Variants in SLC9C1 observed in about 807,000 individuals in gnomAD.
The protein encoded by SLC9C1 is solute carrier family 9 member C1, also known as sodium/hydrogen exchanger 10.
A neutral mutation model predicts 140.9 loss-of-function variants in SLC9C1; 97 were observed. The observed-to-expected ratio is 0.69, with a 90% CI of 0.58 to 0.82. The LOEUF (loss-of-function observed/expected upper bound fraction) is 0.82, where lower values mean the gene tolerates loss of function less well. Ranked by LOEUF, SLC9C1 falls within the 40% of genes least tolerant of loss-of-function variation. The pLI, the probability that SLC9C1 is intolerant of heterozygous loss-of-function variation, is 0.00. For synonymous variants in SLC9C1, 440 were observed against 442.6 expected (o/e 0.99, Z 0.07); for missense variants, 1,340 against 1,389.3 (o/e 0.96, Z 0.56).
intron 27 of SLC9C1, among the ~76,000 whole-genome samples, chr3:112,153,371 A>G (rs1215826699): frequency 6.6e-6 from 1 of 151,984 alleles, no homozygotes; most frequent in East Asian, 1.9e-4. Flanking sequence ...AAAAAAAAAA[A>G]AAGATGGTCT....
At chr3:112,285,325 G>A (rs547852549) in intron 2 of SLC9C1, among the ~76,000 whole-genome samples, 41 of 151,966 alleles carry the variant, frequency 2.7e-4, no homozygotes, top group African/African-American at 8.9e-4. Context: ...TGCAACCTTC[G>A]CCTCCCAGGC....
At position 112,202,250 on chromosome 3, in the gene SLC9C1, C is replaced by G; in HGVS notation, c.2322G>C (p.Gln774His). 1 of 1,608,190 alleles carries G rather than the reference C, an allele frequency of 6.2e-7. No homozygotes were observed. Among genetic ancestry groups the G allele is most frequent in the Non-Finnish European group, 8.5e-7 (1 of 1,178,054 alleles). ...TTCTTAGGATTTAAGGTTTTCTTAC[C>G]TGTTTAATCTGTTTAGAACTTGTAA... ...DQITSSKQIK[Q>H]MLLKQVIRNM... The change falls in exon 18 of 29, where the codon CAG becomes CAC. Residue 774 changes from glutamine (Q) to histidine (H), a missense_variant and splice_region_variant. Physicochemically the swap from Gln to His is conservative, Grantham distance 24. Transcript: ENST00000305815.
chr3:112,231,251 C>T, intron 13 of SLC9C1, 110 bp downstream of exon 13: 3 of 1,308,028 alleles, frequency 2.3e-6, no homozygotes, highest in Non-Finnish European at 3.1e-6. Context: ...CTTCCCTTTG[C>T]CTTTGTAAAC....
At chr3:112,243,243 GCAAAGAGATGGAAT>G (rs1414271989) in intron 11 of SLC9C1, among the ~76,000 whole-genome samples, 3 of 152,102 alleles carry the variant, frequency 2.0e-5, no homozygotes, top group Non-Finnish European at 2.9e-5. Flanking sequence ...ATTCACAATA[GCAAAGAGATGGAAT>G]CAACCTAAGT....
chr3:112,161,772 A>G (rs1299735742), intron 26 of SLC9C1, among the ~76,000 whole-genome samples: 3 of 151,650 alleles, frequency 2.0e-5, no homozygotes, highest in East Asian at 1.9e-4. Flanking sequence ...TTGGTTCCAT[A>G]TGAACTTTAA....
chr3:112,204,460 T>C, intron 16 of SLC9C1, 57 bp from the exon 17 acceptor site: 1 of 1,492,844 alleles, frequency 6.7e-7, no homozygotes, highest in Non-Finnish European at 8.9e-7. Flanking sequence ...TACTACACCA[T>C]TTTCCACAAT....
chr3:112,267,589 A>T (rs2079956775), intron 7 of SLC9C1, among the ~76,000 whole-genome samples: 1 of 150,048 alleles, frequency 6.7e-6, no homozygotes, highest in Non-Finnish European at 1.5e-5. Flanking sequence ...AAAAAAAAAA[A>T]AAAAAAAAGA....
At chr3:112,260,296 T>A (rs79294090) in intron 10 of SLC9C1, among the ~76,000 whole-genome samples, 3 of 26,368 alleles carry the variant, frequency 1.1e-4, no homozygotes, top group East Asian at 7.6e-3. Flanking sequence ...TTTTCTTTAG[T>A]TTTTTTATGG....
intron 15 of SLC9C1, among the ~76,000 whole-genome samples, chr3:112,211,391 A>AG (rs60499107): frequency 0.75 from 114,677 of 151,960 alleles, 43,681 homozygotes; most frequent in East Asian, 0.99. Flanking sequence ...ACCGAGCATG[A>AG]CCGAAGCAGG....
intron 1 of SLC9C1, among the ~76,000 whole-genome samples, 183 bp downstream of exon 1, chr3:112,293,910 G>A (rs537102468): frequency 2.6e-5 from 4 of 152,306 alleles, no homozygotes; most frequent in South Asian, 2.1e-4. Flanking sequence ...GAAGCTAGCT[G>A]ATCTTTGGGA....
chr3:112,247,192 G>GAGC (rs34109542), intron 10 of SLC9C1, among the ~76,000 whole-genome samples: 1 of 152,072 alleles, frequency 6.6e-6, no homozygotes, highest in African/African-American at 2.4e-5. Context: ...GAGGCCCAGG[G>GAGC]AGCACACTGA....
intron 1 of SLC9C1, among the ~76,000 whole-genome samples, chr3:112,287,765 T>C (rs2080551709): frequency 6.6e-6 from 1 of 152,114 alleles, no homozygotes; most frequent in African/African-American, 2.4e-5. Flanking sequence ...TTATAATTCC[T>C]GGCCGGGCAC....
At chr3:112,180,700 A>C in intron 21 of SLC9C1, 38 bp from the exon 22 acceptor site, 1 of 1,490,374 alleles carries the variant, frequency 6.7e-7, no homozygotes. Flanking sequence ...TATAAACAAC[A>C]TTTTAGAAGT....
intron 28 of SLC9C1, chr3:112,151,244 C>T: frequency 2.1e-6 from 1 of 469,734 alleles, no homozygotes; most frequent in Admixed American, 2.3e-5. Context: ...AGCATACACA[C>T]ACAAATATTT....
chr3:112,242,202 C>T (rs888560281), intron 11 of SLC9C1, among the ~76,000 whole-genome samples: 4 of 152,188 alleles, frequency 2.6e-5, no homozygotes, highest in African/African-American at 9.6e-5. Context: ...ATACATCTAA[C>T]AAAGGTCTTA....
In SLC9C1 at chr3:112,204,299, G is replaced by A. The variant is rs2077984886; in HGVS notation, c.2091C>T (p.Thr697=). The change falls in exon 17 of 29, where the codon ACC becomes ACT. Residue 697 remains threonine (T), a synonymous_variant. Transcript: ENST00000305815. ...ILHVILIEID[T]IKYIFNETEV... ...CAGTCTCATTAAAAATATACTTAAT[G>A]GTGTCTATTTCAATAAGTATTACAT... 1 of 1,562,472 alleles carries A rather than the reference G, an allele frequency of 6.4e-7. No homozygotes were observed. The highest frequency in any genetic ancestry group is 2.5e-5 in the East Asian group (1 of 40,708).
At position 112,270,041 on chromosome 3, in the gene SLC9C1, A is replaced by G. The variant is rs778873102; in HGVS notation, c.650T>C (p.Ile217Thr). Residue 217 changes from isoleucine to threonine, a missense_variant, in exon 7 of 29, where the codon ATA (isoleucine) becomes ACA (threonine). Ile to Thr is a moderately conservative substitution (Grantham distance 89). Transcript: ENST00000305815. ...TAGAATTCCAAACAAGAAACTTGCTATAATATATGAACAAATTCCACCCAC... is the reference window on the plus strand; with the variant it reads ...TAGAATTCCAAACAAGAAACTTGCTGTAATATATGAACAAATTCCACCCAC... The part of the protein sequence containing the change: ...EIVGGICSYI[I>T]ASFLFGILSS... 6 of 1,586,248 alleles carry G rather than the reference A, an allele frequency of 3.8e-6. No individual in the cohort carries two copies. The highest frequency in any genetic ancestry group is 5.1e-6 in the Non-Finnish European group (6 of 1,168,368).
intron 10 of SLC9C1, among the ~76,000 whole-genome samples, chr3:112,244,391 A>G (rs925930161): frequency 3.3e-5 from 5 of 152,212 alleles, no homozygotes; most frequent in African/African-American, 1.2e-4. Flanking sequence ...ACTTCCTGGT[A>G]GCTGAGAATA....
intron 2 of SLC9C1, among the ~76,000 whole-genome samples, chr3:112,285,656 G>A (rs1005077163): frequency 3.9e-5 from 6 of 152,196 alleles, no homozygotes; most frequent in Admixed American, 1.3e-4. Flanking sequence ...GACTCCTTGC[G>A]TGGAAAACAA....
Sources: gnomAD v4.1 joint callset for allele counts (sites outside exome capture counted in the v4.1 genomes callset) on GRCh38, gnomAD v4.1.1 for gene constraint, MANE v1.5 for transcripts, NCBI Gene and HGNC (gene_info 2026-07-23, HGNC 2026-07-21) for gene names.